Variants in AGPS observed in about 807,000 individuals in gnomAD.
AGPS encodes the protein alkyldihydroxyacetonephosphate synthase, peroxisomal.
In AGPS, 26 loss-of-function variants were observed where a neutral mutation model predicts 90.7. That is an observed-to-expected ratio of 0.29 (90% CI 0.21 to 0.40). The LOEUF is 0.40. Among genes scored for constraint, AGPS ranks in the 10% least tolerant of loss-of-function variants. The probability of loss-of-function intolerance (pLI) is 1.00; values close to 1 mark genes in which losing one functional copy is unlikely to be tolerated. For missense variants in AGPS, 540 were observed against 816.1 expected (o/e 0.66, Z 4.12); for synonymous variants, 294 against 285.3 (o/e 1.03, Z -0.31).
intron 19 of AGPS, among the ~76,000 whole-genome samples, chr2:177,529,153 G>A (rs547724430): frequency 5.8e-4 from 88 of 151,924 alleles, no homozygotes; most frequent in Non-Finnish European, 7.8e-4. Context: ...CACCACTCCC[G>A]GCCGCATATT....
intron 9 of AGPS, among the ~76,000 whole-genome samples, chr2:177,465,030 C>T (rs1404152374): frequency 6.6e-6 from 1 of 152,162 alleles, no homozygotes; most frequent in Non-Finnish European, 1.5e-5. Context: ...TATAGCTGGG[C>T]ATGGTAGTTC....
At chr2:177,405,350 C>T (rs1017129492) in intron 1 of AGPS, among the ~76,000 whole-genome samples, 1 of 152,226 alleles carries the variant, frequency 6.6e-6, no homozygotes, top group Non-Finnish European at 1.5e-5. Context: ...GCTGAACCAA[C>T]TCTGGTTATC....
In AGPS at chr2:177,534,786, AT is replaced by A. The variant is rs200015363; in HGVS notation, c.1856-3287del. Among the ~76,000 whole-genome samples, 1,384 of 151,304 alleles carry A rather than the reference AT, an allele frequency of 9.1e-3. 20 individuals carry two copies. The highest frequency in any genetic ancestry group is 0.031 in the African/African-American group (1,290 of 41,248). ...TTTTTTTATTTTTATTTTTTTAGAAATGGGGTCTCACTATGTTACCCAGGCT... is the reference window on the plus strand; with the variant it reads ...TTTTTTTATTTTTATTTTTTTAGAAAGGGGTCTCACTATGTTACCCAGGCT... On this transcript the variant is annotated intron_variant, in intron 19 of 19. Transcript: ENST00000264167.
At chr2:177,491,353 G>A (rs1222655211) in intron 11 of AGPS, among the ~76,000 whole-genome samples, 2 of 151,756 alleles carry the variant, frequency 1.3e-5, no homozygotes, top group African/African-American at 4.8e-5. Flanking sequence ...CTTCCTCCTG[G>A]GTTCAAGCAA....
At chr2:177,413,457 A>G (rs1179919754) in intron 1 of AGPS, among the ~76,000 whole-genome samples, 2 of 152,190 alleles carry the variant, frequency 1.3e-5, no homozygotes, top group African/African-American at 2.4e-5. Flanking sequence ...TTCCTTTTTT[A>G]ATTACTAACA....
intron 8 of AGPS, among the ~76,000 whole-genome samples, chr2:177,460,428 GGTT>G (rs1476291731): frequency 3.3e-5 from 5 of 152,202 alleles, no homozygotes; most frequent in Admixed American, 2.6e-4. Flanking sequence ...AGCTTCATAT[GGTT>G]GTTGAGCAGA....
rs1685064821 is a variant in AGPS at position 177,393,014 on chromosome 2, C to A, written c.225C>A (p.Pro75=). The A allele has an allele frequency of 1.3e-6, 2 of 1,550,232 alleles. No individual in the cohort carries two copies. The highest frequency in any genetic ancestry group is 1.7e-6 in the Non-Finnish European group (2 of 1,146,808). ...SAATAAPTAT[P]AAQESGTIPK... ...CCACGGCAGCGCCCACGGCCACTCC[C>A]GCCGCGCAGGAGTCGGGCACCATCC... Residue 75 remains proline, a synonymous_variant, in exon 1 of 20, where the codon CCC becomes CCA. Coordinates refer to ENST00000264167, the MANE Select transcript of AGPS (RefSeq NM_003659.4).
intron 2 of AGPS, among the ~76,000 whole-genome samples, chr2:177,430,194 C>T (rs567094700): frequency 1.3e-4 from 20 of 152,238 alleles, no homozygotes; most frequent in Non-Finnish European, 2.8e-4. Context: ...GGTGGTTGCT[C>T]CTCCTTCAGG....
At chr2:177,449,868 C>T (rs374065470) in intron 8 of AGPS, among the ~76,000 whole-genome samples, 43 of 150,610 alleles carry the variant, frequency 2.9e-4, no homozygotes, top group African/African-American at 8.8e-4. Flanking sequence ...GATGGAGTGT[C>T]GCTCTGTTGT....
At chr2:177,441,148 G>A in intron 6 of AGPS, 112 bp downstream of exon 6, 2 of 964,446 alleles carry the variant, frequency 2.1e-6, no homozygotes, top group South Asian at 1.5e-5. Flanking sequence ...TAATTGTGAT[G>A]TGGTTATTCT....
At chr2:177,492,860 C>T (rs187181664) in intron 11 of AGPS, among the ~76,000 whole-genome samples, 3 of 152,132 alleles carry the variant, frequency 2.0e-5, no homozygotes, top group African/African-American at 7.2e-5. Context: ...TCTCATATGT[C>T]TTTGCCAGAC....
chr2:177,484,010 G>GT (rs5836609), intron 11 of AGPS, among the ~76,000 whole-genome samples: 102 of 145,070 alleles, frequency 7.0e-4, no homozygotes, highest in African/African-American at 2.0e-3. Context: ...AAGCTAGGGT[G>GT]TTTTTTTTTT....
Position 177,538,399 on chromosome 2 carries a change from G to A in AGPS, c.*204G>A. 1 of 605,024 alleles carries A rather than the reference G, an allele frequency of 1.7e-6. No homozygotes were observed. The highest frequency in any genetic ancestry group is 2.8e-6 in the Non-Finnish European group (1 of 353,606). 37.5% of individuals were successfully genotyped at this position (605,024 alleles called of 1,614,324 possible). A position where few individuals can be genotyped will look rare whatever the true frequency, so the allele number is the denominator to read the frequency against. On this transcript the variant is annotated 3_prime_UTR_variant, in exon 20 of 20. Coordinates refer to ENST00000264167, the MANE Select transcript of AGPS (RefSeq NM_003659.4). ...GTATTCCTAAATCTCTCTCATTGTA[G>A]GTACATCATTTTACATTCAGCGGTT...
chr2:177,451,628 A>C lies in AGPS; in HGVS notation c.870+6002A>C, dbSNP rs79694556. On this transcript the variant is annotated intron_variant, in intron 8 of 19. Transcript: ENST00000264167. ...GATGTGTTCAGTCCTTTAACTATTA[A>C]GTATTTGTTAACTATAGGTGTTTTT... Among the ~76,000 whole-genome samples the C allele has an allele frequency of 6.8e-3, 1,031 of 152,214 alleles. 11 individuals carry two copies. The highest frequency in any genetic ancestry group is 0.023 in the African/African-American group (952 of 41,524).
At chr2:177,427,920 G>T (rs1342694830) in intron 2 of AGPS, among the ~76,000 whole-genome samples, 2 of 152,184 alleles carry the variant, frequency 1.3e-5, no homozygotes, top group Admixed American at 6.5e-5. Context: ...AATATTGTCA[G>T]TGGGATGTTA....
At chr2:177,517,097 C>T (rs929060173) in intron 17 of AGPS, among the ~76,000 whole-genome samples, 12 of 151,954 alleles carry the variant, frequency 7.9e-5, no homozygotes, top group Admixed American at 3.3e-4. Context: ...AGAGTATTTC[C>T]TCTGCATTTG....
intron 10 of AGPS, among the ~76,000 whole-genome samples, chr2:177,469,860 C>T (rs539236187): frequency 1.1e-4 from 17 of 151,672 alleles, no homozygotes; most frequent in Non-Finnish European, 1.6e-4. Context: ...CATCAGTTAG[C>T]CTTTTAAAAA....
At chr2:177,533,342 G>A (rs1240639328) in intron 19 of AGPS, among the ~76,000 whole-genome samples, 1 of 152,158 alleles carries the variant, frequency 6.6e-6, no homozygotes, top group Non-Finnish European at 1.5e-5. Context: ...AGAGCTGACA[G>A]AAAAATCTGT....
chr2:177,497,810 T>C (rs572130922), intron 13 of AGPS, 45 bp downstream of exon 13: 450 of 1,078,524 alleles, frequency 4.2e-4, no homozygotes, highest in Non-Finnish European at 5.7e-4. Context: ...GCTTAAGATA[T>C]CTGTTTTCTG....
Sources: gnomAD v4.1 joint callset for allele counts (sites outside exome capture counted in the v4.1 genomes callset) on GRCh38, gnomAD v4.1.1 for gene constraint, MANE v1.5 for transcripts, NCBI Gene and HGNC (gene_info 2026-07-23, HGNC 2026-07-21) for gene names.